The following HS3ST5 variants were observed in gnomAD, a reference collection of about 807,000 sequenced individuals.
The protein encoded by HS3ST5 is heparan sulfate-glucosamine 3-sulfotransferase 5.
In HS3ST5, 10 loss-of-function variants were observed where a neutral mutation model predicts 25.4. That is an observed-to-expected ratio of 0.39 (90% CI 0.24 to 0.67). HS3ST5 has a LOEUF of 0.67. Among genes scored for constraint, HS3ST5 ranks in the 30% least tolerant of loss-of-function variants. The pLI is 0.44. For missense variants in HS3ST5, 324 were observed against 420.7 expected, an observed-to-expected ratio of 0.77 and a Z score of 2.01; for synonymous variants, 170 against 162.4, an observed-to-expected ratio of 1.05 and a Z score of -0.36.
chr6:114,082,959 T>G (rs1272638537), intron 3 of HS3ST5, among the ~76,000 whole-genome samples: 1 of 152,188 alleles, frequency 6.6e-6, no homozygotes, highest in African/African-American at 2.4e-5. Context: ...TCCCCTCCCT[T>G]GTCCAAGGGT....
chr6:114,177,830 C>G (rs183052186), intron 2 of HS3ST5, among the ~76,000 whole-genome samples: 2 of 152,128 alleles, frequency 1.3e-5, no homozygotes, highest in East Asian at 3.9e-4. Flanking sequence ...TTCCATGATC[C>G]ATATAGTAAA....
chr6:114,302,159 AT>A (rs1374161779), intron 1 of HS3ST5, among the ~76,000 whole-genome samples: 1 of 152,148 alleles, frequency 6.6e-6, no homozygotes, highest in Non-Finnish European at 1.5e-5. Flanking sequence ...TCACACATTC[AT>A]TTTATGTGTG....
At chr6:114,274,827 G>T (rs1773780625) in intron 1 of HS3ST5, among the ~76,000 whole-genome samples, 1 of 151,050 alleles carries the variant, frequency 6.6e-6, no homozygotes, top group East Asian at 1.9e-4. Flanking sequence ...TGGAGTCTGA[G>T]AATGTGTCGG....
In HS3ST5 at chr6:114,073,543, C is replaced by G. The variant is rs60660289; in HGVS notation, c.-32-10666G>C. On this transcript the variant is annotated intron_variant, in intron 3 of 4. Transcript: ENST00000312719. ...GCCAACAGACATATGAAAAAATGCT[C>G]GTCATCACTGGTTATCAGAGAAATG... Among the ~76,000 whole-genome samples the G allele has an allele frequency of 9.9e-3, 1,503 of 152,272 alleles. 21 individuals are homozygous for G. Among genetic ancestry groups the G allele is most frequent in the African/African-American group, 0.035 (1,450 of 41,546 alleles).
chr6:114,198,562 C>T (rs1780868913), intron 2 of HS3ST5, among the ~76,000 whole-genome samples: 1 of 152,244 alleles, frequency 6.6e-6, no homozygotes, highest in Non-Finnish European at 1.5e-5. Context: ...GTGCAATTAG[C>T]ACCTTCTGTT....
chr6:114,322,343 T>C (rs961734860), intron 1 of HS3ST5, among the ~76,000 whole-genome samples: 3 of 152,154 alleles, frequency 2.0e-5, no homozygotes, highest in Admixed American at 6.6e-5. Flanking sequence ...TTTAAGACCA[T>C]ACTAAAAATA....
At chr6:114,218,195 G>A (rs900648098) in intron 2 of HS3ST5, among the ~76,000 whole-genome samples, 1 of 151,976 alleles carries the variant, frequency 6.6e-6, no homozygotes, top group Non-Finnish European at 1.5e-5. Flanking sequence ...ACAGCGTTTC[G>A]TCATGTCGGC....
At chr6:114,062,656 G>C in intron 4 of HS3ST5, 83 bp downstream of exon 4, 1 of 827,728 alleles carries the variant, frequency 1.2e-6, no homozygotes, top group Non-Finnish European at 2.0e-6. Context: ...AAAACAAGTG[G>C]ATAGACTTAA....
intron 3 of HS3ST5, among the ~76,000 whole-genome samples, chr6:114,068,520 A>G (rs776510381): frequency 7.2e-5 from 11 of 152,078 alleles, no homozygotes; most frequent in Non-Finnish European, 1.3e-4. Context: ...AAAGCTGGAG[A>G]TTGTTGCTTT....
chr6:114,080,865 C>T (rs1434681990), intron 3 of HS3ST5, among the ~76,000 whole-genome samples: 1 of 149,532 alleles, frequency 6.7e-6, no homozygotes, highest in Non-Finnish European at 1.5e-5. Context: ...ACCATTTGTA[C>T]CCTAGACCTC....
chr6:114,328,560 A>T (rs1332340708), intron 1 of HS3ST5, among the ~76,000 whole-genome samples: 1 of 152,250 alleles, frequency 6.6e-6, no homozygotes, highest in African/African-American at 2.4e-5. Flanking sequence ...AAAACCATAG[A>T]CACTCCCACG....
At chr6:114,241,359 T>A (rs1188611485) in intron 1 of HS3ST5, among the ~76,000 whole-genome samples, 1 of 152,188 alleles carries the variant, frequency 6.6e-6, no homozygotes, top group African/African-American at 2.4e-5. Context: ...TTCCTTTTTT[T>A]CTCACACCTT....
At chr6:114,239,594 G>T (rs114079307) in intron 1 of HS3ST5, among the ~76,000 whole-genome samples, 2,185 of 152,214 alleles carry the variant, frequency 0.014, 53 homozygotes, top group African/African-American at 0.051. Flanking sequence ...TAGGAGATGA[G>T]AACTACAGAC....
At chr6:114,179,186 G>C in intron 2 of HS3ST5, 1 of 152,142 alleles carries the variant, frequency 6.6e-6, no homozygotes, top group East Asian at 1.9e-4. Context: ...TTGTTTTTCT[G>C]TTTTGCTCAC....
chr6:114,270,739 G>A (rs938715321), intron 1 of HS3ST5, among the ~76,000 whole-genome samples: 15 of 152,024 alleles, frequency 9.9e-5, no homozygotes, highest in African/African-American at 3.4e-4. Context: ...CCAGCTCTAA[G>A]TTGATAAGCC....
intron 1 of HS3ST5, among the ~76,000 whole-genome samples, chr6:114,248,790 A>G (rs1772506902): frequency 6.6e-6 from 1 of 152,260 alleles, no homozygotes; most frequent in Admixed American, 6.5e-5. Flanking sequence ...AAGTTACAAT[A>G]ATTGAAATAA....
At chr6:114,160,440 C>T (rs1402355795) in intron 3 of HS3ST5, among the ~76,000 whole-genome samples, 1 of 151,882 alleles carries the variant, frequency 6.6e-6, no homozygotes, top group Non-Finnish European at 1.5e-5. Context: ...AACTTGAGAT[C>T]TCAGAAAAAT....
chr6:114,280,404 G>A (rs1419988035), intron 1 of HS3ST5, among the ~76,000 whole-genome samples: 1 of 151,946 alleles, frequency 6.6e-6, no homozygotes, highest in Non-Finnish European at 1.5e-5. Context: ...CAACAGGTAA[G>A]ATGAGGGCTC....
chr6:114,103,923 G>C (rs932524897), intron 3 of HS3ST5, among the ~76,000 whole-genome samples: 2 of 145,896 alleles, frequency 1.4e-5, no homozygotes, highest in Non-Finnish European at 3.0e-5. Context: ...GGATGGTCTC[G>C]ATCTCCTGAC....
Sources: allele counts gnomAD v4.1 joint callset (sites outside exome capture counted in the v4.1 genomes callset), GRCh38; gene constraint gnomAD v4.1.1; transcripts MANE v1.5; gene names NCBI Gene and HGNC (gene_info 2026-07-23, HGNC 2026-07-21).